Variants in DNAH7 observed in about 807,000 individuals in gnomAD.
The protein encoded by DNAH7 is axonemal beta dynein heavy chain 7.
In DNAH7, 397 loss-of-function variants were observed where a neutral mutation model predicts 444.6. The observed-to-expected ratio is 0.89, with a 90% CI of 0.82 to 0.97. The LOEUF (loss-of-function observed/expected upper bound fraction) is 0.97. Ranked by LOEUF, DNAH7 falls within the 50% of genes least tolerant of loss-of-function variation. The pLI, the probability that DNAH7 is intolerant of heterozygous loss-of-function variation, is 0.00. For missense variants in DNAH7, 4,902 were observed against 4,800.8 expected (o/e 1.02, Z -0.62); for synonymous variants, 1,636 against 1,624.4 (o/e 1.01, Z -0.17).
chr2:195,838,069 T>C (rs1276557928), intron 47 of DNAH7, among the ~76,000 whole-genome samples: 1 of 152,120 alleles, frequency 6.6e-6, no homozygotes, highest in Non-Finnish European at 1.5e-5. Flanking sequence ...CTTTAAACAA[T>C]ATCATAAATC....
At chr2:196,027,095 A>C (rs1695737036) in intron 6 of DNAH7, among the ~76,000 whole-genome samples, 155 bp from the exon 7 acceptor site, 1 of 152,152 alleles carries the variant, frequency 6.6e-6, no homozygotes, top group African/African-American at 2.4e-5. Flanking sequence ...ATTATTTGAG[A>C]TCTCCTAAAT....
chr2:195,785,074 G>C (rs1008307553), intron 58 of DNAH7, among the ~76,000 whole-genome samples: 2 of 152,022 alleles, frequency 1.3e-5, no homozygotes, highest in African/African-American at 2.4e-5. Flanking sequence ...ATCACGCCCG[G>C]CTAATTTTTT....
chr2:195,839,626 A>C (rs1045221138), intron 47 of DNAH7, among the ~76,000 whole-genome samples: 1 of 151,786 alleles, frequency 6.6e-6, no homozygotes, highest in African/African-American at 2.4e-5. Context: ...AGCCAGATTG[A>C]CCAAGAAAAT....
At chr2:195,928,136 C>G (rs1688460960) in intron 21 of DNAH7, among the ~76,000 whole-genome samples, 1 of 152,014 alleles carries the variant, frequency 6.6e-6, no homozygotes, top group Non-Finnish European at 1.5e-5. Context: ...CACGTGTGCT[C>G]AGTGTTTAGC....
chr2:195,844,991 A>G lies in DNAH7; in HGVS notation c.8945+11T>C, dbSNP rs1415858963. On this transcript the variant is annotated intron_variant, in intron 47 of 64. Coordinates refer to ENST00000312428, the MANE Select transcript of DNAH7 (RefSeq NM_018897.3). ...AATAAAGACCATTTGTGAGAAAAAT[A>G]TTTTTCTTACATTATGATTATCCCA... 6.2e-7 allele frequency: 1 copy of G among 1,608,286 alleles called. No individual in the cohort carries two copies. Among genetic ancestry groups the G allele is most frequent in the South Asian group, 1.1e-5 (1 of 89,844 alleles).
intron 57 of DNAH7, among the ~76,000 whole-genome samples, chr2:195,787,504 G>A (rs1430482090): frequency 1.3e-5 from 2 of 152,074 alleles, no homozygotes; most frequent in Admixed American, 6.5e-5. Flanking sequence ...ATTCCAACGT[G>A]TGCTCCCAGA....
Position 195,944,878 on chromosome 2 carries a change from C to T in DNAH7, c.3079-8086G>A, listed in dbSNP as rs958647642. Among the ~76,000 whole-genome samples, 2 of 152,044 alleles carry T rather than the reference C, an allele frequency of 1.3e-5. 1 individual carries two copies. Among genetic ancestry groups the T allele is most frequent in the Admixed American group, 1.3e-4 (2 of 15,226 alleles). ...GTGCTTTTTAAAGAATTCAGCCCAT[C>T]TCACCTCCCTTGTACTTCAAATTCT... On this transcript the variant is annotated intron_variant, in intron 19 of 64. Transcript: ENST00000312428.
intron 61 of DNAH7, among the ~76,000 whole-genome samples, chr2:195,758,438 T>C (rs2105916063): frequency 6.6e-6 from 1 of 152,310 alleles, no homozygotes; most frequent in African/African-American, 2.4e-5. Context: ...TTTTAAAATG[T>C]ATTTACATTT....
chr2:195,741,490 A>G (rs1187186036), intron 63 of DNAH7, among the ~76,000 whole-genome samples: 1 of 152,244 alleles, frequency 6.6e-6, no homozygotes, highest in Non-Finnish European at 1.5e-5. Flanking sequence ...TTGGCTTTAC[A>G]TATCAGTAAA....
At chr2:195,997,721 G>A (rs1693786662) in intron 12 of DNAH7, among the ~76,000 whole-genome samples, 1 of 152,054 alleles carries the variant, frequency 6.6e-6, no homozygotes, top group Non-Finnish European at 1.5e-5. Flanking sequence ...TCTACCAAAG[G>A]TTGTGTTAAG....
chr2:195,764,202 A>G (rs543277956), intron 61 of DNAH7, among the ~76,000 whole-genome samples: 4 of 152,176 alleles, frequency 2.6e-5, no homozygotes, highest in African/African-American at 9.6e-5. Context: ...ATGATTAAAA[A>G]AAAAACTTTA....
At chr2:195,991,861 T>C (rs568916343) in intron 12 of DNAH7, among the ~76,000 whole-genome samples, 3 of 152,308 alleles carry the variant, frequency 2.0e-5, no homozygotes, top group South Asian at 2.1e-4. Context: ...GCTCAGATAC[T>C]AAGTCAAAAA....
At chr2:195,946,826 C>T (rs1689844267) in intron 19 of DNAH7, among the ~76,000 whole-genome samples, 1 of 152,014 alleles carries the variant, frequency 6.6e-6, no homozygotes, top group Admixed American at 6.6e-5. Flanking sequence ...CTCCCCACCC[C>T]TGGAACTTCA....
At chr2:195,801,311 C>T (rs1296952130) in intron 54 of DNAH7, among the ~76,000 whole-genome samples, 1 of 151,316 alleles carries the variant, frequency 6.6e-6, no homozygotes, top group African/African-American at 2.4e-5. Context: ...TATATATATG[C>T]ACAAAATTGT....
chr2:195,920,209 A>T (rs1019704054), intron 24 of DNAH7, among the ~76,000 whole-genome samples: 2 of 152,188 alleles, frequency 1.3e-5, no homozygotes, highest in African/African-American at 4.8e-5. Flanking sequence ...TAGAAAAAAA[A>T]ATCCTAAAAT....
chr2:195,843,895 G>C (rs963750666), intron 47 of DNAH7, among the ~76,000 whole-genome samples: 3 of 152,112 alleles, frequency 2.0e-5, no homozygotes, highest in Non-Finnish European at 4.4e-5. Context: ...AGGAGATCGA[G>C]ACCATCCTGC....
chr2:195,959,054 C>A (rs565220138), intron 18 of DNAH7, among the ~76,000 whole-genome samples: 1 of 151,902 alleles, frequency 6.6e-6, no homozygotes, highest in South Asian at 2.1e-4. Context: ...GAGCAAGACT[C>A]CATCTCAAAT....
chr2:195,985,274 G>C (rs967343722), intron 14 of DNAH7, among the ~76,000 whole-genome samples: 1 of 152,208 alleles, frequency 6.6e-6, no homozygotes, highest in Non-Finnish European at 1.5e-5. Flanking sequence ...TCTTCAGTAA[G>C]ATTGGCTGAA....
chr2:195,992,679 G>C (rs1693424353), intron 12 of DNAH7, among the ~76,000 whole-genome samples: 2 of 152,064 alleles, frequency 1.3e-5, no homozygotes, highest in African/African-American at 4.8e-5. Flanking sequence ...ACAGTCCTTA[G>C]TATCCAAAAA....
Sources: allele counts gnomAD v4.1 joint callset (sites outside exome capture counted in the v4.1 genomes callset), GRCh38; gene constraint gnomAD v4.1.1; transcripts MANE v1.5; gene names NCBI Gene and HGNC (gene_info 2026-07-23, HGNC 2026-07-21).